The following SMYD3 variants were observed in gnomAD, a reference collection of about 807,000 sequenced individuals.
SMYD3 encodes histone-lysine N-methyltransferase SMYD3.
A neutral mutation model predicts 57.7 loss-of-function variants in SMYD3; 36 were observed. The ratio of observed to expected loss-of-function variants is 0.62; its 90% CI spans 0.48 to 0.82. SMYD3 has a LOEUF of 0.82. Among genes scored for constraint, SMYD3 ranks in the 40% least tolerant of loss-of-function variants. SMYD3 has a pLI of 0.00. For missense variants in SMYD3, 515 were observed against 538.8 expected (o/e 0.96, Z 0.44); for synonymous variants, 211 against 195.0 (o/e 1.08, Z -0.68).
intron 7 of SMYD3, among the ~76,000 whole-genome samples, chr1:245,919,806 A>C (rs980196518): frequency 7.2e-5 from 11 of 152,206 alleles, no homozygotes; most frequent in Non-Finnish European, 1.6e-4. Flanking sequence ...GCACAGAACA[A>C]AATTGCATTA....
chr1:245,814,026 TAA>T lies in SMYD3; in HGVS notation c.1076+44468_1076+44469del, dbSNP rs555391007. On this transcript the variant is annotated intron_variant, in intron 10 of 11. Transcript: ENST00000490107. ...TTTAAATGACAGCAAAATTTTATAA[TAA>T]AGTTTTTATAATAAATTTATTTTTA... is the stretch of plus-strand genomic sequence containing the variant. Among the ~76,000 whole-genome samples the T allele has an allele frequency of 8.6e-5, 13 of 151,834 alleles. No individual in the cohort carries two copies. In the South Asian group the frequency reaches 1.2e-3, roughly 15 times the overall value.
chr1:246,258,260 C>T (rs575754471), intron 5 of SMYD3, among the ~76,000 whole-genome samples: 2 of 152,254 alleles, frequency 1.3e-5, no homozygotes, highest in East Asian at 3.9e-4. Flanking sequence ...TGGTCTCAAA[C>T]TCCTGACCTC....
At chr1:246,078,662 G>T (rs1353265615) in intron 5 of SMYD3, among the ~76,000 whole-genome samples, 1 of 152,194 alleles carries the variant, frequency 6.6e-6, no homozygotes, top group Non-Finnish European at 1.5e-5. Context: ...TGCAAGCACA[G>T]AAGCCATTAA....
intron 8 of SMYD3, among the ~76,000 whole-genome samples, chr1:245,910,248 AAAGT>A (rs1412528282): frequency 6.6e-6 from 1 of 152,192 alleles, no homozygotes; most frequent in Non-Finnish European, 1.5e-5. Flanking sequence ...AAACTTAATA[AAAGT>A]GAGATCTCTA....
At chr1:246,226,501 C>T (rs1004977357) in intron 5 of SMYD3, among the ~76,000 whole-genome samples, 1 of 152,098 alleles carries the variant, frequency 6.6e-6, no homozygotes, top group African/African-American at 2.4e-5. Flanking sequence ...GTATAGTTTG[C>T]CTAGAATTGA....
chr1:246,302,501 A>G (rs1347647049), intron 5 of SMYD3, among the ~76,000 whole-genome samples: 5 of 152,300 alleles, frequency 3.3e-5, no homozygotes, highest in Non-Finnish European at 5.9e-5. Context: ...ATTCAGGTGA[A>G]AAAAACTGTA....
chr1:246,473,387 T>C (rs2067986666), intron 1 of SMYD3, among the ~76,000 whole-genome samples: 1 of 152,248 alleles, frequency 6.6e-6, no homozygotes, highest in African/African-American at 2.4e-5. Flanking sequence ...AAAAATGCCT[T>C]GATTCCTTAT....
At chr1:246,098,205 A>T (rs1482158293) in intron 5 of SMYD3, among the ~76,000 whole-genome samples, 2 of 152,238 alleles carry the variant, frequency 1.3e-5, no homozygotes, top group Admixed American at 6.5e-5. Context: ...AGAACAAGAA[A>T]GATGATGGAA....
chr1:246,125,237 A>G (rs1210777376), intron 5 of SMYD3, among the ~76,000 whole-genome samples: 3 of 152,220 alleles, frequency 2.0e-5, no homozygotes, highest in South Asian at 4.1e-4. Flanking sequence ...TTGAAGTTGA[A>G]TCTGCATCCC....
At chr1:246,208,632 C>T (rs1004502012) in intron 5 of SMYD3, among the ~76,000 whole-genome samples, 1 of 152,136 alleles carries the variant, frequency 6.6e-6, no homozygotes, top group Non-Finnish European at 1.5e-5. Context: ...GAAAAACATA[C>T]GTCTAGAAAA....
At chr1:246,135,181 G>C (rs2061648916) in intron 5 of SMYD3, among the ~76,000 whole-genome samples, 1 of 152,050 alleles carries the variant, frequency 6.6e-6, no homozygotes, top group Non-Finnish European at 1.5e-5. Flanking sequence ...CTACCTGAAA[G>C]CTTTTGTTTC....
At chr1:245,965,605 A>G (rs2058121108) in intron 5 of SMYD3, among the ~76,000 whole-genome samples, 1 of 152,196 alleles carries the variant, frequency 6.6e-6, no homozygotes, top group Non-Finnish European at 1.5e-5. Context: ...CCTTAAATGC[A>G]TATTACTAAG....
intron 5 of SMYD3, among the ~76,000 whole-genome samples, chr1:246,131,241 C>G (rs2061581962): frequency 6.6e-6 from 1 of 152,120 alleles, no homozygotes; most frequent in Non-Finnish European, 1.5e-5. Flanking sequence ...GCCCTATTTC[C>G]CTCTATTGTG....
intron 5 of SMYD3, among the ~76,000 whole-genome samples, chr1:245,933,356 T>C (rs1057091109): frequency 2.6e-5 from 4 of 152,222 alleles, no homozygotes; most frequent in African/African-American, 9.6e-5. Context: ...TAAGCTTGAG[T>C]ATTACTTTAG....
intron 5 of SMYD3, among the ~76,000 whole-genome samples, chr1:246,212,697 T>C (rs999035691): frequency 6.6e-6 from 1 of 152,150 alleles, no homozygotes; most frequent in Admixed American, 6.5e-5. Context: ...TACTGCCAAG[T>C]TGAATGATAG....
chr1:246,444,261 G>A (rs191270476), intron 1 of SMYD3, among the ~76,000 whole-genome samples: 2,149 of 152,196 alleles, frequency 0.014, 26 homozygotes, highest in Non-Finnish European at 0.023. Flanking sequence ...AAGTAGTTGG[G>A]ATTACAGGCA....
intron 5 of SMYD3, among the ~76,000 whole-genome samples, chr1:245,952,716 A>C (rs1300282755): frequency 1.3e-5 from 2 of 152,182 alleles, no homozygotes; most frequent in Admixed American, 1.3e-4. Flanking sequence ...AGTCAACATA[A>C]TATGTTTTGT....
chr1:245,939,181 AAG>A (rs903930891), intron 5 of SMYD3, among the ~76,000 whole-genome samples: 1 of 152,068 alleles, frequency 6.6e-6, no homozygotes, highest in Non-Finnish European at 1.5e-5. Context: ...TTAAAAAAAA[AAG>A]AATGTGAAGA....
chr1:246,072,329 T>C (rs2060471019), intron 5 of SMYD3, among the ~76,000 whole-genome samples: 1 of 146,816 alleles, frequency 6.8e-6, no homozygotes. Context: ...CTTTCCACTG[T>C]GCTCACTGTC....
Sources: gnomAD v4.1 joint callset for allele counts (sites outside exome capture counted in the v4.1 genomes callset) on GRCh38, gnomAD v4.1.1 for gene constraint, MANE v1.5 for transcripts, NCBI Gene and HGNC (gene_info 2026-07-23, HGNC 2026-07-21) for gene names.